TMEM178B: variants seen among roughly 807,000 people sequenced by gnomAD.
The protein encoded by TMEM178B is transmembrane protein 178B.
A neutral mutation model predicts 31.0 loss-of-function variants in TMEM178B; 5 were observed. The observed-to-expected ratio is 0.16, with a 90% CI of 0.08 to 0.34. The LOEUF (loss-of-function observed/expected upper bound fraction) is 0.34, where lower values mean the gene tolerates loss of function less well. Among genes scored for constraint, TMEM178B ranks in the 10% least tolerant of loss-of-function variants. TMEM178B has a pLI of 1.00. For synonymous variants in TMEM178B, 164 were observed against 164.0 expected (o/e 1.00, Z 0.00); for missense variants, 275 against 400.3 (o/e 0.69, Z 2.67).
rs1563157441 is a variant in TMEM178B at position 141,344,587 on chromosome 7, CCT to C, written c.497-93020_497-93019del. On this transcript the variant is annotated intron_variant, in intron 2 of 3. Coordinates refer to ENST00000565468, the MANE Select transcript of TMEM178B (RefSeq NM_001195278.2). This position sits in a 1 kb window ranked among gnomAD's most constrained non-coding sequence, Gnocchi z 4.1. Reference sequence around the variant, plus strand: ...TTCCTCCCTCCTCCCTTCCTTCCTTCCTTCCTTCCTTCCTTCCTTCCTTCCTT... The same window carrying C: ...TTCCTCCCTCCTCCCTTCCTTCCTTCTCCTTCCTTCCTTCCTTCCTTCCTT... Among the ~76,000 whole-genome samples, 20 of 122,930 alleles carry C rather than the reference CCT, an allele frequency of 1.6e-4. No individual in the cohort carries two copies. The South Asian group carries it at 5.4e-3, about 33-fold the overall frequency. 80.6% of individuals were successfully genotyped at this position (122,930 alleles called of 152,430 possible).
At chr7:141,441,218 C>T (rs745623565) in intron 3 of TMEM178B, among the ~76,000 whole-genome samples, 1 of 152,192 alleles carries the variant, frequency 6.6e-6, no homozygotes, top group Non-Finnish European at 1.5e-5. Flanking sequence ...GAGCCTGGGG[C>T]ATCAACCCAA....
At chr7:141,151,102 G>T (rs542633832) in intron 1 of TMEM178B, among the ~76,000 whole-genome samples, 21 of 152,322 alleles carry the variant, frequency 1.4e-4, no homozygotes, top group South Asian at 2.1e-4. Flanking sequence ...GCCTGGCAGG[G>T]TGGTAGATGA....
At chr7:141,510,136 G>A in the TMEM178B span, among the ~76,000 whole-genome samples, 3 of 152,184 alleles carry the variant, frequency 2.0e-5, no homozygotes, top group Admixed American at 6.5e-5. Flanking sequence ...GCTAGCTTCC[G>A]GGAGCCTGCT....
intron 1 of TMEM178B, among the ~76,000 whole-genome samples, chr7:141,097,462 A>G (rs1794981878): frequency 6.6e-6 from 1 of 151,650 alleles, no homozygotes; most frequent in Admixed American, 6.6e-5. Flanking sequence ...TTATAACAAG[A>G]TTTGAAGAAA....
intron 3 of TMEM178B, among the ~76,000 whole-genome samples, chr7:141,444,072 T>G (rs1380379430): frequency 6.6e-6 from 1 of 152,206 alleles, no homozygotes; most frequent in Admixed American, 6.5e-5. Context: ...ATCTTATATA[T>G]TTCCTGCCCT....
At chr7:141,408,888 A>T (rs1320468608) in intron 2 of TMEM178B, among the ~76,000 whole-genome samples, 3 of 152,124 alleles carry the variant, frequency 2.0e-5, no homozygotes, top group Admixed American at 6.5e-5. Flanking sequence ...ACAGGGTAGG[A>T]GAGTGGGAGG....
At chr7:141,151,824 G>C (rs1171253016) in intron 1 of TMEM178B, among the ~76,000 whole-genome samples, 1 of 152,196 alleles carries the variant, frequency 6.6e-6, no homozygotes, top group Non-Finnish European at 1.5e-5. Flanking sequence ...CATGTAGGGG[G>C]TGTGAGTCAG....
intron 2 of TMEM178B, among the ~76,000 whole-genome samples, chr7:141,305,326 T>C (rs951219624): frequency 1.3e-5 from 2 of 152,244 alleles, no homozygotes; most frequent in Admixed American, 6.5e-5. Context: ...ATAAGTGCTA[T>C]GTATATATTA....
chr7:141,260,357 G>A (rs1797992127), intron 2 of TMEM178B, among the ~76,000 whole-genome samples: 1 of 152,152 alleles, frequency 6.6e-6, no homozygotes. Flanking sequence ...ACTGATCTTG[G>A]ATAAACGTTT....
chr7:141,281,831 G>A (rs983733342), intron 2 of TMEM178B, among the ~76,000 whole-genome samples: 8 of 152,180 alleles, frequency 5.3e-5, no homozygotes, highest in African/African-American at 1.9e-4. Context: ...ACAGGAAAGC[G>A]GCAGGCCAAG....
chr7:141,082,368 C>T (rs1794700526), intron 1 of TMEM178B, among the ~76,000 whole-genome samples: 1 of 152,210 alleles, frequency 6.6e-6, no homozygotes, highest in Non-Finnish European at 1.5e-5. Flanking sequence ...TGTTTAATGT[C>T]TAAAACACAC....
At chr7:141,277,709 G>A (rs1006072856) in intron 2 of TMEM178B, among the ~76,000 whole-genome samples, 18 of 152,124 alleles carry the variant, frequency 1.2e-4, no homozygotes, top group Admixed American at 9.2e-4. Flanking sequence ...TTTGCAGCTC[G>A]TGACTGTGTG....
At chr7:141,338,591 C>T (rs534884413) in intron 2 of TMEM178B, among the ~76,000 whole-genome samples, 1 of 152,220 alleles carries the variant, frequency 6.6e-6, no homozygotes, top group African/African-American at 2.4e-5. Flanking sequence ...AGAAAACTCC[C>T]TTTTTAGTGA....
At chr7:141,081,373 C>T (rs995183471) in intron 1 of TMEM178B, among the ~76,000 whole-genome samples, 4 of 152,138 alleles carry the variant, frequency 2.6e-5, no homozygotes, top group African/African-American at 9.7e-5. Context: ...CAGTGGCTCA[C>T]ACCTGTAATC....
intron 1 of TMEM178B, among the ~76,000 whole-genome samples, chr7:141,152,794 T>C (rs1228622131): frequency 6.6e-6 from 1 of 152,248 alleles, no homozygotes; most frequent in African/African-American, 2.4e-5. Flanking sequence ...AGGCCAAATC[T>C]CAAAATACGT....
At chr7:141,303,478 C>T (rs779403393) in intron 2 of TMEM178B, among the ~76,000 whole-genome samples, 1 of 152,204 alleles carries the variant, frequency 6.6e-6, no homozygotes, top group East Asian at 1.9e-4. Flanking sequence ...TCCTGCTGCC[C>T]GGACAGGGCT....
intron 2 of TMEM178B, among the ~76,000 whole-genome samples, chr7:141,314,458 T>A (rs1798967862): frequency 1.3e-5 from 2 of 152,222 alleles, no homozygotes; most frequent in Non-Finnish European, 2.9e-5. Context: ...TGTGGCCATG[T>A]GAGCAATCGT....
chr7:141,470,232 C>A (rs1468459962), intron 3 of TMEM178B, among the ~76,000 whole-genome samples: 5 of 152,072 alleles, frequency 3.3e-5, no homozygotes, highest in Non-Finnish European at 7.4e-5. Flanking sequence ...CTCACTCTAC[C>A]CCACACAAAA....
At chr7:141,362,376 G>A (rs900811383) in intron 2 of TMEM178B, among the ~76,000 whole-genome samples, 2 of 152,192 alleles carry the variant, frequency 1.3e-5, no homozygotes, top group Admixed American at 6.5e-5. Context: ...GCTTTGAAGT[G>A]TACAGACAAG....
Sources: allele counts gnomAD v4.1 joint callset (sites outside exome capture counted in the v4.1 genomes callset), GRCh38; gene constraint gnomAD v4.1.1; non-coding constraint Gnocchi (gnomAD v3.1); transcripts MANE v1.5; gene names NCBI Gene and HGNC (gene_info 2026-07-23, HGNC 2026-07-21).